The following ACOXL variants were observed in gnomAD, a reference collection of about 807,000 sequenced individuals.
The protein encoded by ACOXL is acyl-coenzyme A oxidase-like protein.
In ACOXL, 70 loss-of-function variants were observed where a neutral mutation model predicts 71.9. The observed-to-expected ratio is 0.97, with a 90% CI of 0.80 to 1.19. The LOEUF (loss-of-function observed/expected upper bound fraction) is 1.19. Among genes scored for constraint, ACOXL ranks in the 50% most tolerant of loss-of-function variants. The probability of loss-of-function intolerance (pLI) is 0.00; values close to 1 mark genes in which losing one functional copy is unlikely to be tolerated. For missense variants in ACOXL, 703 were observed against 736.3 expected (o/e 0.95, Z 0.52); for synonymous variants, 253 against 281.6 (o/e 0.90, Z 1.02).
chr2:110,846,021 C>T (rs1050005666), intron 10 of ACOXL, among the ~76,000 whole-genome samples: 2 of 152,114 alleles, frequency 1.3e-5, no homozygotes, highest in African/African-American at 4.8e-5. Context: ...GTTTTCCTAT[C>T]GATTACCATT....
intron 12 of ACOXL, among the ~76,000 whole-genome samples, chr2:110,964,453 A>G (rs549851821): frequency 1.6e-4 from 24 of 152,352 alleles, no homozygotes; most frequent in Admixed American, 1.4e-3. Context: ...TAAAAATGAT[A>G]CAAAAACATA....
At chr2:111,045,869 G>A (rs749442079) in intron 15 of ACOXL, among the ~76,000 whole-genome samples, 4 of 152,174 alleles carry the variant, frequency 2.6e-5, no homozygotes, top group African/African-American at 7.2e-5. Flanking sequence ...GCCAGCCCAC[G>A]AAGGGCACTG....
At chr2:110,852,197 G>A (rs1692687772) in intron 10 of ACOXL, among the ~76,000 whole-genome samples, 1 of 152,328 alleles carries the variant, frequency 6.6e-6, no homozygotes, top group South Asian at 2.1e-4. Context: ...TCCCTTGACT[G>A]GCACCGTGTC....
intron 2 of ACOXL, among the ~76,000 whole-genome samples, chr2:110,780,634 T>C (rs1683205147): frequency 6.6e-6 from 1 of 152,190 alleles, no homozygotes; most frequent in Admixed American, 6.5e-5. Context: ...TAGTTTAACA[T>C]AGATGCCTCA....
chr2:110,811,177 G>T (rs1559294170), intron 9 of ACOXL, among the ~76,000 whole-genome samples: 1 of 152,158 alleles, frequency 6.6e-6, no homozygotes, highest in Non-Finnish European at 1.5e-5. Flanking sequence ...TCGACTACCT[G>T]ATGGACACCA....
intron 12 of ACOXL, among the ~76,000 whole-genome samples, chr2:110,936,370 A>G (rs1019761158): frequency 3.3e-5 from 5 of 152,186 alleles, no homozygotes; most frequent in South Asian, 2.1e-4. Flanking sequence ...GGCTCAAGCA[A>G]TCCTCCTTCC....
chr2:111,093,493 T>A, intron 17 of ACOXL: 1 of 1,614,074 alleles, frequency 6.2e-7, no homozygotes, highest in Non-Finnish European at 8.5e-7. Context: ...GCAGGAGAGA[T>A]GCTGAAACAC....
In ACOXL at chr2:111,011,881, TA is replaced by T. The variant is rs35965746; in HGVS notation, c.1281+15901del. On this transcript the variant is annotated intron_variant, in intron 14 of 17. Transcript: ENST00000439055. ...CCTGGGCAGCAGAGTGAGACTCTGTTAAAAAAAAAAAAAAAAAAAAAAAAGG... is the reference window on the plus strand; with the variant it reads ...CCTGGGCAGCAGAGTGAGACTCTGTTAAAAAAAAAAAAAAAAAAAAAAAGG... Among the ~76,000 whole-genome samples the T allele has an allele frequency of 2.0e-3, 223 of 112,544 alleles. 1 individual carries two copies. The highest frequency in any genetic ancestry group is 6.5e-3 in the African/African-American group (192 of 29,522). 73.8% of individuals were successfully genotyped at this position (112,544 alleles called of 152,430 possible).
At chr2:110,852,847 G>A (rs190390374) in intron 10 of ACOXL, among the ~76,000 whole-genome samples, 3 of 152,270 alleles carry the variant, frequency 2.0e-5, no homozygotes, top group Admixed American at 2.0e-4. Flanking sequence ...GCCATTCCCT[G>A]GTCTTTCATG....
intron 1 of ACOXL, among the ~76,000 whole-genome samples, chr2:110,760,986 G>A (rs1327552934): frequency 6.6e-6 from 1 of 152,154 alleles, no homozygotes; most frequent in Non-Finnish European, 1.5e-5. Context: ...TCAAGGAGAG[G>A]TGAAGCATAG....
intron 16 of ACOXL, among the ~76,000 whole-genome samples, chr2:111,081,772 A>G (rs1024146489): frequency 3.9e-5 from 6 of 152,242 alleles, no homozygotes; most frequent in Non-Finnish European, 8.8e-5. Context: ...ACTTCAAACT[A>G]TACTACAAGG....
chr2:111,041,494 G>A (rs1260641672), intron 15 of ACOXL, among the ~76,000 whole-genome samples: 1 of 152,152 alleles, frequency 6.6e-6, no homozygotes, highest in Non-Finnish European at 1.5e-5. Flanking sequence ...CAGGTGAAGG[G>A]GGATCTGCAG....
intron 10 of ACOXL, among the ~76,000 whole-genome samples, chr2:110,867,019 A>C (rs1332876366): frequency 6.6e-6 from 1 of 152,156 alleles, no homozygotes; most frequent in Non-Finnish European, 1.5e-5. Flanking sequence ...TCAGGGTAGG[A>C]ACGCCCTGCA....
intron 17 of ACOXL, chr2:111,093,416 C>T (rs2068642463): frequency 1.2e-6 from 2 of 1,608,114 alleles, no homozygotes; most frequent in East Asian, 4.5e-5. Context: ...GAAAATGCTA[C>T]TGCAAAGAAA....
intron 17 of ACOXL, among the ~76,000 whole-genome samples, chr2:111,106,697 GA>G (rs1004631513): frequency 6.6e-6 from 1 of 152,146 alleles, no homozygotes; most frequent in African/African-American, 2.4e-5. Context: ...TTCCAGTGGG[GA>G]AAAGGGGGTG....
chr2:111,079,087 A>T (rs7575878), intron 16 of ACOXL, among the ~76,000 whole-genome samples: 66,956 of 152,036 alleles, frequency 0.44, 14,812 homozygotes, highest in East Asian at 0.51. Context: ...TACTTATTTT[A>T]AAAGTTTTTA....
At chr2:110,785,725 A>G (rs1683884025) in intron 3 of ACOXL, among the ~76,000 whole-genome samples, 1 of 152,176 alleles carries the variant, frequency 6.6e-6, no homozygotes, top group Non-Finnish European at 1.5e-5. Context: ...TGCTGCTGTG[A>G]ATACTCTTGT....
At chr2:110,939,739 C>T (rs1342334604) in intron 12 of ACOXL, among the ~76,000 whole-genome samples, 1 of 152,180 alleles carries the variant, frequency 6.6e-6, no homozygotes, top group Non-Finnish European at 1.5e-5. Flanking sequence ...TGAATGTGGC[C>T]CAACACAAAT....
intron 2 of ACOXL, among the ~76,000 whole-genome samples, chr2:110,778,706 A>T (rs1032145129): frequency 7.2e-5 from 11 of 152,244 alleles, no homozygotes; most frequent in African/African-American, 2.4e-4. Context: ...TAAGTTGTCC[A>T]GACAGTGTTT....
Sources: gnomAD v4.1 joint callset for allele counts (sites outside exome capture counted in the v4.1 genomes callset) on GRCh38, gnomAD v4.1.1 for gene constraint, MANE v1.5 for transcripts, NCBI Gene and HGNC (gene_info 2026-07-23, HGNC 2026-07-21) for gene names.